Variants in INTS9 observed in about 807,000 individuals in gnomAD.
INTS9 encodes integrator complex subunit 9, also known as protein related to CPSF subunits of 74 kDa.
INTS9 carries 55 observed loss-of-function variants against 79.7 expected under a neutral mutation model. That is an observed-to-expected ratio of 0.69 (90% CI 0.56 to 0.86). INTS9 has a LOEUF of 0.86. INTS9 is among the 40% of genes least tolerant of loss of function. INTS9 has a pLI of 0.00. For synonymous variants in INTS9, 319 were observed against 325.2 expected, an observed-to-expected ratio of 0.98 and a Z score of 0.20; for missense variants, 721 against 831.5, an observed-to-expected ratio of 0.87 and a Z score of 1.64.
At chr8:28,768,401 G>T in intron 16 of INTS9, 79 bp from the exon 17 acceptor site, 1 of 1,359,444 alleles carries the variant, frequency 7.4e-7, no homozygotes, top group Non-Finnish European at 1.0e-6. Context: ...TCACAGACTC[G>T]ACTGAACTTT....
At chr8:28,789,445 T>TA (rs771542177) in intron 10 of INTS9, among the ~76,000 whole-genome samples, 49 of 152,218 alleles carry the variant, frequency 3.2e-4, no homozygotes, top group African/African-American at 1.1e-3. Context: ...GGGTAGCTGT[T>TA]AGAGTTCAAA....
intron 4 of INTS9, among the ~76,000 whole-genome samples, chr8:28,844,216 G>T (rs76515715): frequency 0.021 from 3,196 of 152,260 alleles, 122 homozygotes; most frequent in East Asian, 0.14. Context: ...GTCACGTATG[G>T]TCTGTAAATG....
chr8:28,843,857 C>G (rs1224465055), intron 4 of INTS9, among the ~76,000 whole-genome samples: 1 of 151,866 alleles, frequency 6.6e-6, no homozygotes, highest in Non-Finnish European at 1.5e-5. Context: ...TCAACTTTTC[C>G]TTGTAATGTC....
At chr8:28,809,325 T>C (rs1398258250) in intron 8 of INTS9, among the ~76,000 whole-genome samples, 1 of 152,144 alleles carries the variant, frequency 6.6e-6, no homozygotes, top group Non-Finnish European at 1.5e-5. Flanking sequence ...AACAAAATAT[T>C]ATATGCCAAA....
At chr8:28,770,135 C>T in intron 15 of INTS9, 109 bp from the exon 16 acceptor site, 1 of 1,383,830 alleles carries the variant, frequency 7.2e-7, no homozygotes, top group South Asian at 1.4e-5. Flanking sequence ...GCCACAGAGC[C>T]CCGGCCCGGT....
chr8:28,819,705 C>G (rs1190717928), intron 6 of INTS9, among the ~76,000 whole-genome samples: 3 of 151,984 alleles, frequency 2.0e-5, no homozygotes, highest in Admixed American at 2.0e-4. Context: ...TCCTGGGTAT[C>G]CTTATTAACT....
intron 1 of INTS9, among the ~76,000 whole-genome samples, chr8:28,871,135 T>G (rs1237824970): frequency 6.6e-6 from 1 of 152,180 alleles, no homozygotes; most frequent in Non-Finnish European, 1.5e-5. Context: ...GGTAGTAAGT[T>G]AGGAGTCAGC....
At chr8:28,879,981 T>C (rs528418856) in intron 1 of INTS9, among the ~76,000 whole-genome samples, 22 of 152,262 alleles carry the variant, frequency 1.4e-4, no homozygotes, top group African/African-American at 5.3e-4. Flanking sequence ...CTCTGAAATC[T>C]ACTAAAAGTC....
At chr8:28,876,559 A>G (rs1482826284) in intron 1 of INTS9, among the ~76,000 whole-genome samples, 2 of 152,336 alleles carry the variant, frequency 1.3e-5, no homozygotes, top group Non-Finnish European at 2.9e-5. Flanking sequence ...TCAGTATCAC[A>G]GTCACCTGAT....
intron 6 of INTS9, among the ~76,000 whole-genome samples, chr8:28,823,809 A>G (rs935669032): frequency 1.3e-5 from 2 of 152,314 alleles, no homozygotes; most frequent in African/African-American, 4.8e-5. Flanking sequence ...AATCCTAATA[A>G]TCTTATATGG....
intron 8 of INTS9, 49 bp from the exon 9 acceptor site, chr8:28,796,704 C>T (rs749108353): frequency 9.0e-7 from 1 of 1,112,148 alleles, no homozygotes; most frequent in Non-Finnish European, 1.4e-6. Flanking sequence ...AGGAACATTA[C>T]CTACAAATAG....
chr8:28,863,270 T>C (rs1486638879), intron 1 of INTS9, among the ~76,000 whole-genome samples: 1 of 152,182 alleles, frequency 6.6e-6, no homozygotes, highest in Non-Finnish European at 1.5e-5. Context: ...TTTATTTTTT[T>C]CTAGCTTAAC....
rs1379604097 is a variant in INTS9, at chr8:28,816,998, GTTGT to G, written c.489-3390_489-3387del. On this transcript the variant is annotated intron_variant, in intron 6 of 16. Coordinates refer to ENST00000521022, the MANE Select transcript of INTS9 (RefSeq NM_018250.4). ...TGTCCTTTGCCCACTTTTTGATGGG[GTTGT>G]TTGTTTTTTTCTTGTAAACTTGTTT... Among the ~76,000 whole-genome samples the G allele has an allele frequency of 1.6e-4, 24 of 148,994 alleles. No homozygotes were observed. In the South Asian group the frequency reaches 1.9e-3, roughly 12 times the overall value.
chr8:28,847,150 T>C (rs748973105), intron 3 of INTS9, among the ~76,000 whole-genome samples: 1 of 152,190 alleles, frequency 6.6e-6, no homozygotes, highest in South Asian at 2.1e-4. Flanking sequence ...ACCAGAATTA[T>C]GTGGGGACAT....
At chr8:28,876,098 C>T (rs10096725) in intron 1 of INTS9, among the ~76,000 whole-genome samples, 4,607 of 152,086 alleles carry the variant, frequency 0.03, 213 homozygotes, top group African/African-American at 0.1. Context: ...GTGGCCATTA[C>T]GTTTATTTTA....
chr8:28,838,849 C>A (rs1050429173), intron 4 of INTS9, among the ~76,000 whole-genome samples: 1 of 152,136 alleles, frequency 6.6e-6, no homozygotes, highest in African/African-American at 2.4e-5. Flanking sequence ...AGTTCACAAT[C>A]TACACACAAC....
intron 7 of INTS9, among the ~76,000 whole-genome samples, chr8:28,813,105 G>A (rs1403270285): frequency 6.6e-6 from 1 of 152,074 alleles, no homozygotes; most frequent in Non-Finnish European, 1.5e-5. Flanking sequence ...CTTGTTGTTC[G>A]GTACTGAGTA....
chr8:28,838,114 G>A (rs1806920834), intron 4 of INTS9, among the ~76,000 whole-genome samples: 1 of 151,972 alleles, frequency 6.6e-6, no homozygotes, highest in Non-Finnish European at 1.5e-5. Context: ...ACTGCAAGCA[G>A]AGAGAGCAGC....
intron 11 of INTS9, among the ~76,000 whole-genome samples, chr8:28,785,494 C>T (rs999634731): frequency 1.3e-5 from 2 of 152,156 alleles, no homozygotes; most frequent in African/African-American, 4.8e-5. Context: ...TTCTGTTATT[C>T]AGTGGATTAT....
Sources: allele counts gnomAD v4.1 joint callset (sites outside exome capture counted in the v4.1 genomes callset), GRCh38; gene constraint gnomAD v4.1.1; transcripts MANE v1.5; gene names NCBI Gene and HGNC (gene_info 2026-07-23, HGNC 2026-07-21).